MLIP: variants seen among roughly 807,000 people sequenced by gnomAD.
MLIP encodes the protein muscular LMNA-interacting protein.
A neutral mutation model predicts 84.8 loss-of-function variants in MLIP; 79 were observed. The ratio of observed to expected loss-of-function variants is 0.93; its 90% CI spans 0.78 to 1.12. MLIP has a LOEUF of 1.12. Ranked by LOEUF, MLIP falls within the 50% of genes most tolerant of loss-of-function variation. The probability of loss-of-function intolerance (pLI) is 0.00; values close to 1 mark genes in which losing one functional copy is unlikely to be tolerated. For missense variants in MLIP, 1,257 were observed against 1,160.6 expected, an observed-to-expected ratio of 1.08 and a Z score of -1.21; for synonymous variants, 504 against 463.0, an observed-to-expected ratio of 1.09 and a Z score of -1.14.
intron 8 of MLIP, among the ~76,000 whole-genome samples, chr6:54,166,091 T>C (rs1775152296): frequency 1.3e-5 from 2 of 151,940 alleles, no homozygotes; most frequent in Non-Finnish European, 2.9e-5. Context: ...TATTTTGTTA[T>C]AGCGGCCCAA....
At chr6:54,132,131 A>C (rs139682369) in intron 3 of MLIP, among the ~76,000 whole-genome samples, 1 of 152,342 alleles carries the variant, frequency 6.6e-6, no homozygotes, top group Non-Finnish European at 1.5e-5. Context: ...TATGGGCCAA[A>C]ACAAGTCATT....
At chr6:54,219,346 T>A (rs925485339) in intron 11 of MLIP, among the ~76,000 whole-genome samples, 1 of 146,796 alleles carries the variant, frequency 6.8e-6, no homozygotes, top group Non-Finnish European at 1.5e-5. Flanking sequence ...GGATTTTTTT[T>A]CTTTTTTTTT....
intron 9 of MLIP, among the ~76,000 whole-genome samples, chr6:54,187,532 G>T (rs1777512717): frequency 6.6e-6 from 1 of 152,120 alleles, no homozygotes; most frequent in Non-Finnish European, 1.5e-5. Flanking sequence ...GAAGTGAAAA[G>T]TCAATTATTA....
intron 1 of MLIP, among the ~76,000 whole-genome samples, chr6:54,089,591 A>G (rs984710433): frequency 1.3e-5 from 2 of 152,172 alleles, no homozygotes; most frequent in Non-Finnish European, 2.9e-5. Flanking sequence ...CAGAATGCTT[A>G]TACCTGACCC....
rs78379174 is a variant in MLIP, at chr6:54,058,611, A to G, written c.63+39520A>G. Among the ~76,000 whole-genome samples, 608 of 152,334 alleles carry G rather than the reference A, an allele frequency of 4.0e-3. 4 individuals carry two copies. The highest frequency in any genetic ancestry group is 0.014 in the African/African-American group (581 of 41,582). On this transcript the variant is annotated intron_variant, in intron 1 of 12. Coordinates refer to the MLIP transcript ENST00000274897. ...AAAGGGAGGTAAACACAGACCATTT[A>G]ATTCAAGTCAAAAGGCTAATAAAAT...
intron 9 of MLIP, among the ~76,000 whole-genome samples, chr6:54,182,651 C>T (rs1701333260): frequency 6.6e-6 from 1 of 152,168 alleles, no homozygotes; most frequent in South Asian, 2.1e-4. Context: ...TATTTTCATT[C>T]TATGAACTTT....
At chr6:54,086,010 C>T (rs1582104518) in intron 1 of MLIP, among the ~76,000 whole-genome samples, 1 of 152,116 alleles carries the variant, frequency 6.6e-6, no homozygotes, top group Non-Finnish European at 1.5e-5. Flanking sequence ...GCCATGACAG[C>T]CTGAATTTCC....
intron 1 of MLIP, among the ~76,000 whole-genome samples, chr6:54,033,500 C>G (rs530504894): frequency 6.6e-5 from 10 of 151,984 alleles, no homozygotes; most frequent in Non-Finnish European, 1.5e-4. Flanking sequence ...CTCCTGGCTT[C>G]GTAATCCACC....
In MLIP at chr6:54,230,661, T is replaced by C; in HGVS notation, c.2719-53T>C. The stretch of plus-strand genomic sequence containing the variant: ...TCTATCGTAGACCTAATTCCAAGCG[T>C]GCTTGACTTTTTTATGCTAACATCC... On this transcript the variant is annotated intron_variant, in intron 11 of 13. Transcript: ENST00000502396. The C allele has an allele frequency of 3.2e-6, 5 of 1,548,288 alleles. No homozygotes were observed. In the Admixed American group the frequency reaches 8.4e-5, roughly 26 times the overall value.
intron 5 of MLIP, among the ~76,000 whole-genome samples, chr6:54,158,917 T>G (rs1774330912): frequency 6.6e-6 from 1 of 152,060 alleles, no homozygotes; most frequent in Non-Finnish European, 1.5e-5. Context: ...CGCTTTTTAA[T>G]TTTTATTGTT....
At chr6:54,033,507 C>T (rs1022009467) in intron 1 of MLIP, among the ~76,000 whole-genome samples, 4 of 152,006 alleles carry the variant, frequency 2.6e-5, no homozygotes, top group Admixed American at 6.6e-5. Flanking sequence ...CTTCGTAATC[C>T]ACCCGCCTTG....
chr6:54,168,619 C>T (rs1295941626), intron 8 of MLIP, among the ~76,000 whole-genome samples: 1 of 151,738 alleles, frequency 6.6e-6, no homozygotes, highest in Admixed American at 6.6e-5. Context: ...AGTAGATACA[C>T]AAATATGTAT....
At chr6:54,250,230 G>A (rs1782374781) in intron 12 of MLIP, among the ~76,000 whole-genome samples, 1 of 152,060 alleles carries the variant, frequency 6.6e-6, no homozygotes. Context: ...GCGAGGTCAT[G>A]GAGAAAAAGA....
chr6:54,216,619 A>T, intron 11 of MLIP: 1 of 971,706 alleles, frequency 1.0e-6, no homozygotes, highest in Non-Finnish European at 1.2e-6. Flanking sequence ...TTTTTTATAT[A>T]GAGGATTTCA....
intron 12 of MLIP, 40 bp from the exon 13 acceptor site, chr6:54,257,268 T>C: frequency 6.7e-7 from 1 of 1,482,958 alleles, no homozygotes. Context: ...TTTTTCTCAC[T>C]TCTACTCCTG....
At chr6:54,022,441 T>C (rs1337273121) in intron 1 of MLIP, among the ~76,000 whole-genome samples, 2 of 152,204 alleles carry the variant, frequency 1.3e-5, no homozygotes, top group Non-Finnish European at 2.9e-5. Flanking sequence ...TATTTTTGAG[T>C]TGCATTTTTG....
At chr6:54,232,278 T>A (rs752347674) in intron 12 of MLIP, among the ~76,000 whole-genome samples, 2 of 152,188 alleles carry the variant, frequency 1.3e-5, no homozygotes, top group Non-Finnish European at 2.9e-5. Context: ...AATTTACAGA[T>A]ATCCGTTACA....
Position 54,137,491 on chromosome 6 carries a change from G to A in MLIP, c.1422G>A (p.Gly474=), listed in dbSNP as rs917504600. ...TCTCAAGTTGTTCCCTGAGAGCCGG[G>A]TCACCAGATCAAGGGGAACTCCAGG... is the stretch of plus-strand genomic sequence containing the variant. ...KSLSSCSLRA[G]SPDQGELQVS... Residue 474 remains glycine (G), a synonymous_variant, in exon 4 of 14, where the codon GGG becomes GGA. Transcript: ENST00000502396. 2.6e-6 allele frequency: 4 copies of A among 1,535,888 alleles called. No individual in the cohort carries two copies. The African/African-American group carries it at 5.5e-5, about 21-fold the overall frequency.
intron 12 of MLIP, among the ~76,000 whole-genome samples, chr6:54,250,294 A>T (rs1267881506): frequency 1.3e-5 from 2 of 152,132 alleles, no homozygotes; most frequent in African/African-American, 4.8e-5. Context: ...TGTGGAAGAC[A>T]GTGTGGAAAT....
Sources: allele counts gnomAD v4.1 joint callset (sites outside exome capture counted in the v4.1 genomes callset), GRCh38; gene constraint gnomAD v4.1.1; transcripts MANE v1.5; gene names NCBI Gene and HGNC (gene_info 2026-07-23, HGNC 2026-07-21).